CCNYL1: variants seen among roughly 807,000 people sequenced by gnomAD.
CCNYL1 encodes cyclin-Y-like protein 1.
CCNYL1 carries 16 observed loss-of-function variants against 44.2 expected under a neutral mutation model. The ratio of observed to expected loss-of-function variants is 0.36; its 90% confidence interval spans 0.25 to 0.55. The LOEUF (loss-of-function observed/expected upper bound fraction) is 0.55, where lower values mean the gene tolerates loss of function less well. CCNYL1 is among the 20% of genes least tolerant of loss of function. The pLI is 0.85. For synonymous variants in CCNYL1, 159 were observed against 163.2 expected (o/e 0.97, Z 0.20); for missense variants, 348 against 451.8 (o/e 0.77, Z 2.08).
chr2:207,732,282 C>T (rs181056914), intron 3 of CCNYL1, among the ~76,000 whole-genome samples: 36 of 152,226 alleles, frequency 2.4e-4, no homozygotes, highest in Admixed American at 5.2e-4. Context: ...TAGTTGAAAA[C>T]ATTTCTAGGT....
chr2:207,748,313 C>A (rs370599826), intron 8 of CCNYL1, among the ~76,000 whole-genome samples: 1 of 152,220 alleles, frequency 6.6e-6, no homozygotes, highest in Admixed American at 6.5e-5. Flanking sequence ...GGCACTCGGA[C>A]AACCACAGCA....
At chr2:207,730,653 G>T (rs1442330948) in intron 3 of CCNYL1, among the ~76,000 whole-genome samples, 1 of 152,142 alleles carries the variant, frequency 6.6e-6, no homozygotes, top group African/African-American at 2.4e-5. Context: ...AGCTGCTCGG[G>T]AGGCTGAGGC....
chr2:207,741,170 G>T (rs2091806683), intron 6 of CCNYL1, among the ~76,000 whole-genome samples: 1 of 152,000 alleles, frequency 6.6e-6, no homozygotes. Context: ...CAGGAGAATG[G>T]CGTGAACGTG....
At position 207,756,134 on chromosome 2, in the gene CCNYL1, A is replaced by ATGTT. The variant is rs1575229128; in HGVS notation, c.*2438_*2441dup. 6.6e-6 allele frequency: 1 copy of ATGTT among 152,186 alleles called. No homozygotes were observed. The highest frequency in any genetic ancestry group is 2.4e-5 in the African/African-American group (1 of 41,458). 9.4% of individuals were successfully genotyped at this position (152,186 alleles called of 1,614,324 possible). On this transcript the variant is annotated 3_prime_UTR_variant, in exon 10 of 10. Transcript: ENST00000295414. ...ACAATTTATGTGGTTTTTATTTCTC[A>ATGTT]TGTTTATATTAAAAGCTAATAAACT...
At chr2:207,739,119 T>A (rs1372549030) in intron 5 of CCNYL1, among the ~76,000 whole-genome samples, 1 of 152,254 alleles carries the variant, frequency 6.6e-6, no homozygotes, top group South Asian at 2.1e-4. Flanking sequence ...TAAACTCACA[T>A]AATAAGGTAC....
chr2:207,752,118 C>T (rs1266865164), intron 9 of CCNYL1, among the ~76,000 whole-genome samples: 2 of 144,960 alleles, frequency 1.4e-5, no homozygotes, highest in Non-Finnish European at 3.0e-5. Flanking sequence ...GACTGTCTTA[C>T]TTACTGTTTG....
chr2:207,739,941 C>A lies in CCNYL1; in HGVS notation c.468-714C>A, dbSNP rs150407874. On this transcript the variant is annotated intron_variant, in intron 5 of 9. Coordinates refer to ENST00000295414, the MANE Select transcript of CCNYL1 (RefSeq NM_001330218.2). ...AAAAAGCAAGCAATACCTTAGTATT[C>A]TTTTTTTTTAAATTATTTTTATTTC... Among the ~76,000 whole-genome samples, 849 of 151,724 alleles carry A rather than the reference C, an allele frequency of 5.6e-3. 11 individuals are homozygous for A. The highest frequency in any genetic ancestry group is 0.019 in the African/African-American group (807 of 41,422).
At chr2:207,752,443 A>G (rs1369550831) in intron 9 of CCNYL1, among the ~76,000 whole-genome samples, 1 of 152,002 alleles carries the variant, frequency 6.6e-6, no homozygotes, top group Non-Finnish European at 1.5e-5. Context: ...CTGAGGCATG[A>G]GAATTGCTTG....
intron 8 of CCNYL1, among the ~76,000 whole-genome samples, chr2:207,749,480 A>C (rs918433516): frequency 5.3e-5 from 8 of 152,216 alleles, no homozygotes; most frequent in South Asian, 4.1e-4. Flanking sequence ...TATGCTATTC[A>C]GCCACCTAGC....
In CCNYL1 at chr2:207,737,400, T is replaced by C. The variant is rs763840799; in HGVS notation, c.432-11T>C. On this transcript the variant is annotated splice_polypyrimidine_tract_variant and intron_variant, in intron 4 of 9. Coordinates refer to ENST00000295414, the MANE Select transcript of CCNYL1 (RefSeq NM_001330218.2). ...TCAGTTGTTAAAAATAATTTTTTTTTCCCTTCACAGTGTGACCTTAGCAAT... is the reference window on the plus strand; with the variant it reads ...TCAGTTGTTAAAAATAATTTTTTTTCCCCTTCACAGTGTGACCTTAGCAAT... 3.1e-6 allele frequency: 5 copies of C among 1,601,894 alleles called. No homozygotes were observed. In the Admixed American group the frequency reaches 5.1e-5, roughly 16 times the overall value.
At chr2:207,750,873 A>G (rs1480974757) in intron 8 of CCNYL1, 84 bp from the exon 9 acceptor site, 4 of 1,168,906 alleles carry the variant, frequency 3.4e-6, no homozygotes, top group South Asian at 2.9e-5. Context: ...GAGCCATTCT[A>G]GTCTCTTAGA....
Position 207,751,854 on chromosome 2 carries a change from CA to C in CCNYL1, c.969+752del, listed in dbSNP as rs147183127. Among the ~76,000 whole-genome samples the C allele has an allele frequency of 4.4e-3, 416 of 94,514 alleles. 1 individual carries two copies. The highest frequency in any genetic ancestry group is 9.4e-3 in the African/African-American group (231 of 24,652). The allele number at this position is 94,514 out of a possible 152,430, so 62.0% of individuals were successfully genotyped here. A position where few individuals can be genotyped will look rare whatever the true frequency, so the allele number is the denominator to read the frequency against. ...GGGCAACAAGAGCGAAACTCCATCT[CA>C]AAAAAAAAAAAAAAAAGTACACACA... is the stretch of plus-strand genomic sequence containing the variant. On this transcript the variant is annotated intron_variant, in intron 9 of 9. Transcript: ENST00000295414.
intron 9 of CCNYL1, among the ~76,000 whole-genome samples, chr2:207,752,673 AAACT>A (rs1225201814): frequency 6.6e-6 from 1 of 152,236 alleles, no homozygotes. Context: ...CACATATTTT[AAACT>A]AACACTTTCT....
chr2:207,717,529 T>C (rs1255835083), intron 1 of CCNYL1, among the ~76,000 whole-genome samples: 1 of 152,028 alleles, frequency 6.6e-6, no homozygotes, highest in Non-Finnish European at 1.5e-5. Flanking sequence ...TGTTAGGTGG[T>C]GAGGTGCTAG....
intron 4 of CCNYL1, among the ~76,000 whole-genome samples, chr2:207,736,896 T>C (rs2091769382): frequency 6.6e-6 from 1 of 151,918 alleles, no homozygotes; most frequent in South Asian, 2.1e-4. Flanking sequence ...CAGAAACATG[T>C]ATTTTAACAG....
chr2:207,749,008 G>A (rs2091874189), intron 8 of CCNYL1, among the ~76,000 whole-genome samples: 1 of 152,156 alleles, frequency 6.6e-6, no homozygotes, highest in Non-Finnish European at 1.5e-5. Flanking sequence ...TACCATGATG[G>A]CAGCTAAAAT....
chr2:207,752,990 G>C (rs1218777987), intron 9 of CCNYL1, among the ~76,000 whole-genome samples: 2 of 149,988 alleles, frequency 1.3e-5, no homozygotes, highest in African/African-American at 2.5e-5. Flanking sequence ...AATGAGCTGA[G>C]ATCACTCCAG....
Position 207,742,223 on chromosome 2 carries a change from C to T in CCNYL1, c.520C>T (p.Arg174Ter), listed in dbSNP as rs745695508. ...IFDERSHPLT[R>*]EKVPEEYFKH... is the part of the protein sequence containing the mutation. ...AACATTGCATCTTTTCTTCTTTCAGCGAGAAAAAGTTCCAGAGGAATACTT... is the reference window on the plus strand; with the variant it reads ...AACATTGCATCTTTTCTTCTTTCAGTGAGAAAAAGTTCCAGAGGAATACTT... Residue 174 changes from arginine (R) to a stop codon, truncating the protein, a stop_gained and splice_region_variant, in exon 7 of 10, where the codon CGA (arginine) becomes TGA (stop). Coordinates refer to ENST00000295414, the MANE Select transcript of CCNYL1 (RefSeq NM_001330218.2). LOFTEE classifies it high-confidence loss of function. 3 of 1,594,162 alleles carry T rather than the reference C, an allele frequency of 1.9e-6. No homozygotes were observed. Among genetic ancestry groups the T allele is most frequent in the Non-Finnish European group, 2.6e-6 (3 of 1,173,714 alleles).
At position 207,752,515 on chromosome 2, in the gene CCNYL1, T is replaced by C. The variant is rs1464512224; in HGVS notation, c.970-1073T>C. ...TGCCACTGCACTCCAGCCTGGGCGA[T>C]AGAGCAAGACCCTTGTCTCAAAAAA... On this transcript the variant is annotated intron_variant, in intron 9 of 9. Transcript: ENST00000295414. Among the ~76,000 whole-genome samples the C allele has an allele frequency of 2.7e-5, 4 of 149,782 alleles. No individual in the cohort carries two copies. The South Asian group carries it at 6.4e-4, about 24-fold the overall frequency.
Sources: allele counts gnomAD v4.1 joint callset (sites outside exome capture counted in the v4.1 genomes callset), GRCh38; gene constraint gnomAD v4.1.1; transcripts MANE v1.5; gene names NCBI Gene and HGNC (gene_info 2026-07-23, HGNC 2026-07-21).